The following IL1RAPL2 variants were observed in gnomAD, a reference collection of about 807,000 sequenced individuals.
IL1RAPL2 encodes interleukin 1 receptor accessory protein like 2, also known as X-linked interleukin-1 receptor accessory protein-like 2.
In IL1RAPL2, 3 loss-of-function variants were observed where a neutral mutation model predicts 44.1. That is an observed-to-expected ratio of 0.07 (90% CI 0.03 to 0.18). The LOEUF (loss-of-function observed/expected upper bound fraction) is 0.18. Among genes scored for constraint, IL1RAPL2 ranks in the 10% least tolerant of loss-of-function variants. IL1RAPL2 has a pLI of 1.00. For synonymous variants in IL1RAPL2, 181 were observed against 178.8 expected, an observed-to-expected ratio of 1.01 and a Z score of -0.10; for missense variants, 391 against 496.4, an observed-to-expected ratio of 0.79 and a Z score of 2.02.
At chrX:105,390,334 C>A (rs1286807344) in intron 5 of IL1RAPL2, among the ~76,000 whole-genome samples, 1 of 111,341 alleles carries the variant, frequency 9.0e-6, no homozygotes, top group East Asian at 2.8e-4. Flanking sequence ...AAGTAGCATT[C>A]CAAAGACATA....
At chrX:105,060,434 G>T (rs1231964750) in intron 2 of IL1RAPL2, among the ~76,000 whole-genome samples, 1 of 111,490 alleles carries the variant, frequency 9.0e-6, no homozygotes, top group African/African-American at 3.3e-5. Flanking sequence ...AAACATCCTT[G>T]CATCCTTTGG....
At chrX:105,525,238 A>C (rs1345653180) in intron 6 of IL1RAPL2, among the ~76,000 whole-genome samples, 1 of 111,495 alleles carries the variant, frequency 9.0e-6, no homozygotes, top group Non-Finnish European at 1.9e-5. Flanking sequence ...TATAAGGCAA[A>C]ACTAGTTTAG....
rs143277658 is a variant in IL1RAPL2, at chrX:105,087,538, C to G, written c.83-107937C>G. Among the ~76,000 whole-genome samples the G allele has an allele frequency of 6.6e-4, 74 of 112,017 alleles. 1 individual carries two copies. The highest frequency in any genetic ancestry group is 2.3e-3 in the African/African-American group (72 of 30,959). Reference sequence around the variant, plus strand: ...AGCTAATTGAAGGGCAAAGAAGTCTCTGGAACTACCACACTGAATGTAAGG... The same window carrying G: ...AGCTAATTGAAGGGCAAAGAAGTCTGTGGAACTACCACACTGAATGTAAGG... On this transcript the variant is annotated intron_variant, in intron 2 of 10. Coordinates refer to ENST00000372582, the MANE Select transcript of IL1RAPL2 (RefSeq NM_017416.2).
intron 5 of IL1RAPL2, among the ~76,000 whole-genome samples, chrX:105,273,273 A>T (rs1383162971): frequency 1.8e-5 from 2 of 110,574 alleles, no homozygotes; most frequent in Admixed American, 1.9e-4. Flanking sequence ...AAAATGAAGG[A>T]CTCATAAGCA....
At chrX:105,280,463 A>C (rs1331615035) in intron 5 of IL1RAPL2, among the ~76,000 whole-genome samples, 2 of 112,131 alleles carry the variant, frequency 1.8e-5, no homozygotes, top group African/African-American at 6.5e-5. Flanking sequence ...TCTGCACAGC[A>C]AAAGAAGCTA....
intron 6 of IL1RAPL2, among the ~76,000 whole-genome samples, chrX:105,574,432 T>C (rs1458464586): frequency 1.8e-5 from 2 of 111,331 alleles, no homozygotes; most frequent in Non-Finnish European, 3.8e-5. Context: ...AAGCTCTGTA[T>C]GGGACAGTCC....
chrX:104,657,546 T>G (rs1930293786), intron 1 of IL1RAPL2, among the ~76,000 whole-genome samples: 1 of 111,343 alleles, frequency 9.0e-6, no homozygotes, highest in African/African-American at 3.3e-5. Flanking sequence ...GCAATACCAT[T>G]CAGAACACAG....
chrX:105,691,792 A>G (rs1452464213), intron 6 of IL1RAPL2, among the ~76,000 whole-genome samples: 1 of 111,822 alleles, frequency 8.9e-6, no homozygotes, highest in East Asian at 2.8e-4. Flanking sequence ...TATAGAATAA[A>G]GTAGTAATGA....
At chrX:105,222,533 A>C (rs898199247) in intron 3 of IL1RAPL2, among the ~76,000 whole-genome samples, 6 of 112,177 alleles carry the variant, frequency 5.3e-5, no homozygotes, top group Non-Finnish European at 9.4e-5. Context: ...TGACTTCTAC[A>C]GAAAGAGCAT....
chrX:104,892,280 G>C (rs1053804521), intron 2 of IL1RAPL2, among the ~76,000 whole-genome samples: 2 of 111,650 alleles, frequency 1.8e-5, no homozygotes, highest in African/African-American at 6.5e-5. Context: ...TCTCTGTCAG[G>C]CTTTGGTATC....
At chrX:105,370,185 A>G (rs1293723682) in intron 5 of IL1RAPL2, among the ~76,000 whole-genome samples, 1 of 110,983 alleles carries the variant, frequency 9.0e-6, no homozygotes, top group Non-Finnish European at 1.9e-5. Flanking sequence ...AAGTTGGGGA[A>G]CTCTTGTTAT....
intron 5 of IL1RAPL2, among the ~76,000 whole-genome samples, chrX:105,473,013 T>A (rs1056697440): frequency 2.7e-5 from 3 of 111,734 alleles, no homozygotes; most frequent in African/African-American, 9.7e-5. Context: ...ACCTAACCCC[T>A]TTGGCCTTTA....
At chrX:105,654,902 T>G (rs1463240234) in intron 6 of IL1RAPL2, among the ~76,000 whole-genome samples, 1 of 111,745 alleles carries the variant, frequency 8.9e-6, no homozygotes, top group Non-Finnish European at 1.9e-5. Flanking sequence ...TACAGATCAC[T>G]CTCCAGTTTA....
chrX:105,006,951 A>G (rs1280957505), intron 2 of IL1RAPL2, among the ~76,000 whole-genome samples: 1 of 111,415 alleles, frequency 9.0e-6, no homozygotes, highest in Non-Finnish European at 1.9e-5. Flanking sequence ...AATTGTGAGA[A>G]CAATCATTGC....
chrX:104,817,676 C>A (rs1921173751), intron 2 of IL1RAPL2, among the ~76,000 whole-genome samples: 1 of 111,781 alleles, frequency 8.9e-6, no homozygotes, highest in Admixed American at 9.5e-5. Context: ...AGTTACTTTA[C>A]CTTCTGTACT....
At position 104,981,132 on chromosome X, in the gene IL1RAPL2, T is replaced by G. The variant is rs751518786; in HGVS notation, c.83-214343T>G. Among the ~76,000 whole-genome samples the G allele has an allele frequency of 5.5e-5, 6 of 109,717 alleles. No individual in the cohort carries two copies. The East Asian group carries it at 1.4e-3, about 26-fold the overall frequency. ...TTGTGTGAATGGGATTGTTCTTTTT[T>G]TTCTTTCCAACTTTTAGGTTCAAGG... On this transcript the variant is annotated intron_variant, in intron 2 of 10. Transcript: ENST00000372582.
At chrX:105,108,458 G>A (rs932354708) in intron 2 of IL1RAPL2, among the ~76,000 whole-genome samples, 2 of 107,913 alleles carry the variant, frequency 1.9e-5, no homozygotes, top group South Asian at 8.2e-4. Context: ...AGACTCCTGA[G>A]TAGCTGGGAC....
chrX:104,734,000 A>T (rs73523358), intron 2 of IL1RAPL2, among the ~76,000 whole-genome samples: 5,968 of 111,828 alleles, frequency 0.053, 414 homozygotes, highest in African/African-American at 0.18. Context: ...CACTTCACCA[A>T]AGTAGACTTA....
rs1031628847 is a variant in IL1RAPL2, at chrX:104,839,671, C to T, written c.82+180676C>T. Reference sequence around the variant, plus strand: ...AGTTTTAGAAGAAATGGCACTAGTTCGTCTTTGTACGTCTGGTAGAATTCA... The same window carrying T: ...AGTTTTAGAAGAAATGGCACTAGTTTGTCTTTGTACGTCTGGTAGAATTCA... On this transcript the variant is annotated intron_variant, in intron 2 of 10. Coordinates refer to ENST00000372582, the MANE Select transcript of IL1RAPL2 (RefSeq NM_017416.2). Among the ~76,000 whole-genome samples, 16 of 111,582 alleles carry T rather than the reference C, an allele frequency of 1.4e-4. No individual in the cohort carries two copies. The East Asian group carries it at 2.3e-3, about 16-fold the overall frequency.
Sources: gnomAD v4.1 joint callset for allele counts (sites outside exome capture counted in the v4.1 genomes callset) on GRCh38, gnomAD v4.1.1 for gene constraint, MANE v1.5 for transcripts, NCBI Gene and HGNC (gene_info 2026-07-23, HGNC 2026-07-21) for gene names.